The following SPOCK1 variants were observed in gnomAD, a reference collection of about 807,000 sequenced individuals.
SPOCK1 encodes testican-1.
Under a neutral mutation model 55.3 loss-of-function variants are expected in SPOCK1, and 23 were observed. The observed-to-expected ratio is 0.42, with a 90% CI of 0.30 to 0.59. The LOEUF (loss-of-function observed/expected upper bound fraction) is 0.59. Among genes scored for constraint, SPOCK1 ranks in the 20% least tolerant of loss-of-function variants. The pLI is 0.22. For missense variants in SPOCK1, 499 were observed against 552.5 expected (o/e 0.90, Z 0.97); for synonymous variants, 226 against 221.0 (o/e 1.02, Z -0.20).
At chr5:137,356,278 G>A (rs1250999379) in intron 2 of SPOCK1, among the ~76,000 whole-genome samples, 1 of 152,104 alleles carries the variant, frequency 6.6e-6, no homozygotes, top group Non-Finnish European at 1.5e-5. Flanking sequence ...TGCCAAGTGA[G>A]GTCAATTTGT....
At chr5:137,159,247 G>A (rs897965036) in intron 3 of SPOCK1, among the ~76,000 whole-genome samples, 3 of 152,148 alleles carry the variant, frequency 2.0e-5, no homozygotes, top group Non-Finnish European at 2.9e-5. Context: ...CATGAGGCAA[G>A]AAAATACAGA....
At chr5:137,416,142 GACAGAAGAGCAACATCTTTAAAGT>G (rs1263438824) in intron 2 of SPOCK1, among the ~76,000 whole-genome samples, 1 of 151,696 alleles carries the variant, frequency 6.6e-6, no homozygotes, top group Admixed American at 6.6e-5. Context: ...ACGCAAGCAA[GACAGAAGAGCAACATCTTTAAAGT>G]ACTGGAAAAA....
chr5:137,476,522 C>T (rs1390659611), intron 2 of SPOCK1, among the ~76,000 whole-genome samples: 1 of 152,112 alleles, frequency 6.6e-6, no homozygotes, highest in Admixed American at 6.5e-5. Context: ...AGGGAGGGGA[C>T]CTTAACATTT....
At chr5:137,240,948 C>T (rs1756269120) in intron 3 of SPOCK1, among the ~76,000 whole-genome samples, 2 of 152,132 alleles carry the variant, frequency 1.3e-5, no homozygotes, top group South Asian at 4.1e-4. Flanking sequence ...GTGAAGATGG[C>T]ATCTCAAATC....
intron 2 of SPOCK1, among the ~76,000 whole-genome samples, chr5:137,365,933 G>A (rs1047574515): frequency 1.3e-5 from 2 of 152,110 alleles, no homozygotes; most frequent in Non-Finnish European, 2.9e-5. Flanking sequence ...ACACAACGAC[G>A]CACAAAAGTA....
At chr5:137,124,340 T>C (rs559562286) in intron 4 of SPOCK1, among the ~76,000 whole-genome samples, 1 of 152,176 alleles carries the variant, frequency 6.6e-6, no homozygotes, top group African/African-American at 2.4e-5. Flanking sequence ...CCCCAGGACA[T>C]AAAGCGAACC....
chr5:137,324,375 G>A (rs1279368754), intron 2 of SPOCK1, among the ~76,000 whole-genome samples: 1 of 152,092 alleles, frequency 6.6e-6, no homozygotes, highest in East Asian at 1.9e-4. Flanking sequence ...AACCCGGGAG[G>A]CAGAGTTTGC....
At chr5:137,080,042 C>T (rs1752856231) in intron 5 of SPOCK1, among the ~76,000 whole-genome samples, 1 of 152,224 alleles carries the variant, frequency 6.6e-6, no homozygotes, top group Non-Finnish European at 1.5e-5. Context: ...CTATTCTTCA[C>T]AGTGCTGGTA....
intron 4 of SPOCK1, among the ~76,000 whole-genome samples, chr5:137,113,983 C>A (rs563946717): frequency 1.3e-5 from 2 of 152,098 alleles, no homozygotes; most frequent in African/African-American, 4.8e-5. Flanking sequence ...CCAAGAGGAC[C>A]GTTAATTTGG....
chr5:137,126,108 T>C (rs1468640166), intron 4 of SPOCK1, among the ~76,000 whole-genome samples: 1 of 152,234 alleles, frequency 6.6e-6, no homozygotes. Flanking sequence ...CATGAATGGC[T>C]GGCTGGGTGC....
chr5:137,301,366 T>TGTGA (rs1460625613), intron 2 of SPOCK1, among the ~76,000 whole-genome samples: 3 of 152,214 alleles, frequency 2.0e-5, no homozygotes, highest in Non-Finnish European at 4.4e-5. Context: ...CAATAATATT[T>TGTGA]GTGAAACTGG....
chr5:137,274,843 C>A (rs1483689272), intron 2 of SPOCK1, among the ~76,000 whole-genome samples: 1 of 152,184 alleles, frequency 6.6e-6, no homozygotes, highest in African/African-American at 2.4e-5. Context: ...AGGGCAGACA[C>A]GTACTATCTA....
intron 6 of SPOCK1, among the ~76,000 whole-genome samples, chr5:137,043,691 C>T (rs1006066245): frequency 6.6e-6 from 1 of 152,178 alleles, no homozygotes; most frequent in Non-Finnish European, 1.5e-5. Flanking sequence ...ATTAGACCAA[C>T]ATGGAACAAA....
At chr5:137,226,105 A>T (rs757689452) in intron 3 of SPOCK1, among the ~76,000 whole-genome samples, 2 of 152,230 alleles carry the variant, frequency 1.3e-5, no homozygotes, top group Non-Finnish European at 2.9e-5. Flanking sequence ...AGTGGGCTGC[A>T]CACCATCCTG....
Position 137,248,984 on chromosome 5 carries a change from C to A in SPOCK1, c.232+18026G>T, listed in dbSNP as rs544451803. On this transcript the variant is annotated intron_variant, in intron 3 of 10. Transcript: ENST00000394945. ...CAGATGTCAAAGATCATGATGAGAT[C>A]TGGAGCCCAAAACCTTAGTGTCACC... 3.9e-5 allele frequency among the ~76,000 whole-genome samples: 6 copies of A among 152,328 alleles called. No homozygotes were observed. In the East Asian group the frequency reaches 7.7e-4, roughly 20 times the overall value.
chr5:137,449,905 A>G (rs1442088236), intron 2 of SPOCK1, among the ~76,000 whole-genome samples: 2 of 145,044 alleles, frequency 1.4e-5, no homozygotes, highest in Non-Finnish European at 3.0e-5. Context: ...AAAAAAAAAA[A>G]AAAAAAAAAA....
At chr5:137,216,893 T>C (rs1259516689) in intron 3 of SPOCK1, among the ~76,000 whole-genome samples, 2 of 151,852 alleles carry the variant, frequency 1.3e-5, no homozygotes, top group African/African-American at 4.8e-5. Context: ...AAGTAGGAAA[T>C]CACAATGGAA....
chr5:137,376,482 T>C (rs1346678771), intron 2 of SPOCK1, among the ~76,000 whole-genome samples: 1 of 152,196 alleles, frequency 6.6e-6, no homozygotes, highest in African/African-American at 2.4e-5. Context: ...GCACTCTGAT[T>C]TGAAATGCAG....
At chr5:137,293,813 G>A (rs1301515287) in intron 2 of SPOCK1, among the ~76,000 whole-genome samples, 2 of 152,012 alleles carry the variant, frequency 1.3e-5, no homozygotes, top group East Asian at 1.9e-4. Context: ...TCAGGAGATC[G>A]AGACCATCCT....
Sources: allele counts gnomAD v4.1 joint callset (sites outside exome capture counted in the v4.1 genomes callset), GRCh38; gene constraint gnomAD v4.1.1; transcripts MANE v1.5; gene names NCBI Gene and HGNC (gene_info 2026-07-23, HGNC 2026-07-21).